MS4A4E: variants seen among roughly 807,000 people sequenced by gnomAD.
The protein encoded by MS4A4E is membrane spanning 4-domains A4E.
In MS4A4E, 23 loss-of-function variants were observed where a neutral mutation model predicts 13.3. That is an observed-to-expected ratio of 1.73 (90% CI 1.25 to 2.45). The LOEUF is 2.45. Among genes scored for constraint, MS4A4E ranks in the 30% most tolerant of loss-of-function variants. The pLI is 0.00. For synonymous variants in MS4A4E, 36 were observed against 45.6 expected (o/e 0.79, Z 0.85); for missense variants, 144 against 131.2 (o/e 1.10, Z -0.48).
At chr11:60,227,735 T>C (rs545118691) in intron 3 of MS4A4E, among the ~76,000 whole-genome samples, 368 of 152,128 alleles carry the variant, frequency 2.4e-3, no homozygotes, top group Non-Finnish European at 4.3e-3. Context: ...TGTGTGATAT[T>C]GGCAAAGAAA....
intron 4 of MS4A4E, 153 bp from the exon 5 acceptor site, chr11:60,213,285 C>G (rs1440699018): frequency 6.5e-7 from 1 of 1,535,524 alleles, no homozygotes. Context: ...CTCGCCAAAA[C>G]ACAAATATGA....
chr11:60,222,574 G>C (rs2084282802), intron 3 of MS4A4E, among the ~76,000 whole-genome samples: 1 of 152,110 alleles, frequency 6.6e-6, no homozygotes, highest in Non-Finnish European at 1.5e-5. Context: ...AGATTTGTGG[G>C]TCCAGAAATC....
At chr11:60,232,980 T>C (rs896490872) in intron 1 of MS4A4E, among the ~76,000 whole-genome samples, 2 of 152,016 alleles carry the variant, frequency 1.3e-5, no homozygotes, top group Non-Finnish European at 2.9e-5. Flanking sequence ...TGGGCACCCA[T>C]AGCTTTGATT....
At chr11:60,203,053 T>TTTTTA (rs1491391120) in intron 8 of MS4A4E, among the ~76,000 whole-genome samples, 3 of 152,340 alleles carry the variant, frequency 2.0e-5, no homozygotes, top group Non-Finnish European at 4.4e-5. Context: ...GACATTACTC[T>TTTTTA]TATACTTAGT....
chr11:60,227,603 T>A (rs1437463296), intron 3 of MS4A4E, among the ~76,000 whole-genome samples: 1 of 151,942 alleles, frequency 6.6e-6, no homozygotes, highest in Non-Finnish European at 1.5e-5. Flanking sequence ...ATAAACTGAC[T>A]CTAAAGTTTA....
In MS4A4E at chr11:60,208,528, G is replaced by T. The variant is rs538901763; in HGVS notation, c.483+65C>A. 3 of 591,354 alleles carry T rather than the reference G, an allele frequency of 5.1e-6. No homozygotes were observed. The South Asian group carries it at 8.4e-5, about 16-fold the overall frequency. 36.6% of individuals were successfully genotyped at this position (591,354 alleles called of 1,614,324 possible). ...TGTACTGTGTTAAGACTATAAGTTT[G>T]TTTAACTGATTATACAGCAATACAA... On this transcript the variant is annotated intron_variant, in intron 6 of 8. Transcript: ENST00000651255.
chr11:60,213,923 T>G (rs1175991800), intron 4 of MS4A4E, among the ~76,000 whole-genome samples: 2 of 152,126 alleles, frequency 1.3e-5, no homozygotes, highest in African/African-American at 2.4e-5. Flanking sequence ...TTTTCCTTTT[T>G]GAGATGGAGT....
chr11:60,216,924 A>G (rs2084202382), intron 3 of MS4A4E, among the ~76,000 whole-genome samples: 2 of 152,148 alleles, frequency 1.3e-5, no homozygotes, highest in South Asian at 4.1e-4. Flanking sequence ...GTATACATCT[A>G]TCCTATTAGT....
intron 4 of MS4A4E, among the ~76,000 whole-genome samples, chr11:60,213,743 A>T (rs2084154947): frequency 6.6e-6 from 1 of 152,192 alleles, no homozygotes; most frequent in African/African-American, 2.4e-5. Flanking sequence ...TTTAGCCAGA[A>T]AAACCCTTGT....
At chr11:60,224,991 C>T in intron 3 of MS4A4E, 1 of 1,535,852 alleles carries the variant, frequency 6.5e-7, no homozygotes, top group Non-Finnish European at 8.7e-7. Flanking sequence ...ATTGTGTACG[C>T]AACATACACA....
chr11:60,210,094 C>T (rs1000426054), intron 5 of MS4A4E, among the ~76,000 whole-genome samples: 13 of 152,164 alleles, frequency 8.5e-5, no homozygotes, highest in South Asian at 2.1e-4. Flanking sequence ...TTTTGCAGAC[C>T]GTAAGGTCTC....
At chr11:60,229,438 T>A (rs564060047) in intron 2 of MS4A4E, among the ~76,000 whole-genome samples, 194 of 152,350 alleles carry the variant, frequency 1.3e-3, no homozygotes, top group Non-Finnish European at 1.6e-3. Flanking sequence ...GTCACTGTTT[T>A]AATTCTATAT....
intron 1 of MS4A4E, among the ~76,000 whole-genome samples, chr11:60,234,916 C>A (rs2084464153): frequency 6.6e-6 from 1 of 151,178 alleles, no homozygotes. Flanking sequence ...CTATAAGAGT[C>A]TCACTTTAGC....
At chr11:60,233,241 A>C (rs182938356) in intron 1 of MS4A4E, among the ~76,000 whole-genome samples, 210 of 152,248 alleles carry the variant, frequency 1.4e-3, no homozygotes, top group Non-Finnish European at 2.4e-3. Flanking sequence ...TCTAGAGTTA[A>C]CACTATGTGG....
rs558767948 is a variant in MS4A4E, at chr11:60,234,670, G to A, written c.-16-4599C>T. 2.0e-5 allele frequency among the ~76,000 whole-genome samples: 3 copies of A among 151,932 alleles called. No homozygotes were observed. In the South Asian group the frequency reaches 6.2e-4, roughly 32 times the overall value. On this transcript the variant is annotated intron_variant, in intron 1 of 8. Coordinates refer to ENST00000651255, the MANE Select transcript of MS4A4E (RefSeq NM_001393391.1). ...GAACTATAAGAACTGTAGAACTGCA[G>A]CAGATACATGAAAGATAAAAAAAAT...
chr11:60,219,948 C>A (rs1005887080), intron 3 of MS4A4E, among the ~76,000 whole-genome samples: 2 of 147,708 alleles, frequency 1.4e-5, no homozygotes, highest in African/African-American at 5.1e-5. Context: ...GCATTCATTT[C>A]CCCAGTGCCA....
At chr11:60,237,223 T>G (rs1454976403) in intron 1 of MS4A4E, among the ~76,000 whole-genome samples, 1 of 152,204 alleles carries the variant, frequency 6.6e-6, no homozygotes, top group Non-Finnish European at 1.5e-5. Flanking sequence ...CTGTGTTAGT[T>G]TACTAAGGAT....
intron 3 of MS4A4E, among the ~76,000 whole-genome samples, chr11:60,218,486 G>T (rs914940204): frequency 6.6e-6 from 1 of 152,152 alleles, no homozygotes; most frequent in African/African-American, 2.4e-5. Context: ...ATCGACATGT[G>T]ATGTCTTCCC....
intron 3 of MS4A4E, among the ~76,000 whole-genome samples, chr11:60,215,539 G>C (rs781613089): frequency 6.6e-6 from 1 of 151,338 alleles, no homozygotes; most frequent in Non-Finnish European, 1.5e-5. Context: ...AAACATTATT[G>C]GTAAAATATA....
Sources: gnomAD v4.1 joint callset for allele counts (sites outside exome capture counted in the v4.1 genomes callset) on GRCh38, gnomAD v4.1.1 for gene constraint, MANE v1.5 for transcripts, NCBI Gene and HGNC (gene_info 2026-07-23, HGNC 2026-07-21) for gene names.